Variants in KMT2A observed in about 807,000 individuals in gnomAD.
KMT2A encodes lysine methyltransferase 2A.
In KMT2A, 16 loss-of-function variants were observed where a neutral mutation model predicts 345.3. The ratio of observed to expected loss-of-function variants is 0.05; its 90% CI spans 0.03 to 0.07. The LOEUF is 0.07. Ranked by LOEUF, KMT2A falls within the 10% of genes least tolerant of loss-of-function variation. The pLI, the probability that KMT2A is intolerant of heterozygous loss-of-function variation, is 1.00. For synonymous variants in KMT2A, 1,599 were observed against 1,778.6 expected, an observed-to-expected ratio of 0.90 and a Z score of 2.54; for missense variants, 3,272 against 4,841.6, an observed-to-expected ratio of 0.68 and a Z score of 9.62.
At chr11:118,451,240 T>G (rs1949530702) in intron 1 of KMT2A, among the ~76,000 whole-genome samples, 1 of 151,270 alleles carries the variant, frequency 6.6e-6, no homozygotes, top group African/African-American at 2.4e-5. Context: ...GAGACAGGTT[T>G]TTGCTCTTCC....
intron 15 of KMT2A, among the ~76,000 whole-genome samples, chr11:118,492,390 C>G (rs1555042757): frequency 6.6e-6 from 1 of 152,202 alleles, no homozygotes; most frequent in Admixed American, 6.5e-5. Context: ...ATTAGAAGAA[C>G]CACACGGGGC....
In KMT2A at chr11:118,523,630, A is replaced by G. The variant is rs1212189816; in HGVS notation, c.*1458A>G. The G allele has an allele frequency of 8.7e-6, 2 of 228,698 alleles. No homozygotes were observed. Among genetic ancestry groups the G allele is most frequent in the Non-Finnish European group, 1.7e-5 (2 of 114,990 alleles). The allele number at this position is 228,698 out of a possible 1,614,324, so 14.2% of individuals were successfully genotyped here. A position where few individuals can be genotyped will look rare whatever the true frequency, so the allele number is the denominator to read the frequency against. ...TTCATAGGGAGAAGCACTTATGACA[A>G]GGCTATTTTTTAAACCGCGGTATTA... is the stretch of plus-strand genomic sequence containing the variant. On this transcript the variant is annotated 3_prime_UTR_variant, in exon 36 of 36. Coordinates refer to ENST00000534358, the MANE Select transcript of KMT2A (RefSeq NM_001197104.2).
rs1273350332 is a variant in KMT2A, at chr11:118,495,396, T to C, written c.5364-304T>C. Among the ~76,000 whole-genome samples the C allele has an allele frequency of 2.0e-5, 3 of 152,094 alleles. No homozygotes were observed. The highest frequency in any genetic ancestry group is 4.4e-5 in the Non-Finnish European group (3 of 68,012). ...TGGTCTTGATCTCTTGACCTGGTGA[T>C]CCGCCTGCCTCACCCTCCCAAAAGT... On this transcript the variant is annotated intron_variant, in intron 18 of 35. Transcript: ENST00000534358. The surrounding 1 kb of genome is among the most constrained non-coding windows in gnomAD (Gnocchi z 4.1).
intron 1 of KMT2A, among the ~76,000 whole-genome samples, chr11:118,442,466 T>C (rs1043578704): frequency 1.3e-5 from 2 of 152,198 alleles, no homozygotes; most frequent in African/African-American, 2.4e-5. Context: ...TTGGATCTTA[T>C]CTAGACTGGT....
chr11:118,439,158 C>CAAAAAAAAAAAAAAGAAAAA, intron 1 of KMT2A: 4 of 265,444 alleles, frequency 1.5e-5, no homozygotes, highest in Non-Finnish European at 3.0e-5. Context: ...GATACAGCAG[C>CAAAAAAAAAAAAAAGAAAAA]AAAAAAAAAA....
At chr11:118,500,473 A>G (rs1244668961) in intron 24 of KMT2A, among the ~76,000 whole-genome samples, 1 of 152,180 alleles carries the variant, frequency 6.6e-6, no homozygotes, top group Non-Finnish European at 1.5e-5. Flanking sequence ...TCCTATTCCT[A>G]TGACACAGTC....
chr11:118,463,913 G>C (rs1322524350), intron 1 of KMT2A, among the ~76,000 whole-genome samples: 1 of 152,158 alleles, frequency 6.6e-6, no homozygotes, highest in South Asian at 2.1e-4. Context: ...TTTGAAAAGA[G>C]CCCCTATCAG....
At chr11:118,451,498 G>A (rs1045856721) in intron 1 of KMT2A, among the ~76,000 whole-genome samples, 2 of 151,624 alleles carry the variant, frequency 1.3e-5, no homozygotes, top group Non-Finnish European at 2.9e-5. Flanking sequence ...AGTGATTCTC[G>A]TGCCTCAGCC....
intron 26 of KMT2A, 59 bp downstream of exon 26, chr11:118,501,916 A>G: frequency 7.2e-7 from 1 of 1,381,706 alleles, no homozygotes; most frequent in East Asian, 2.3e-5. Flanking sequence ...CTAATTTGTA[A>G]TTCTTTCAGG....
In KMT2A at chr11:118,474,298, G is replaced by T; in HGVS notation, c.3139G>T (p.Asp1047Tyr). ...GAAGAGTAAGAGTCTTAAACAAACC[G>T]ACCAGCCCAAAGCACAGGTACTCTT... ...IEKSKSLKQT[D>Y]QPKAQGQESD... The change falls in exon 3 of 36, where the codon GAC becomes TAC. Residue 1047 changes from aspartate (D) to tyrosine (Y), a missense_variant. Asp to Tyr is a radical substitution (Grantham distance 160, BLOSUM62 -3). This residue lies in a region of KMT2A where 29 missense variants were observed against 27.1 expected (regional missense o/e 1.07). Coordinates refer to ENST00000534358, the MANE Select transcript of KMT2A (RefSeq NM_001197104.2). 2 of 1,613,742 alleles carry T rather than the reference G, an allele frequency of 1.2e-6. No homozygotes were observed. The highest frequency in any genetic ancestry group is 1.1e-5 in the South Asian group (1 of 91,048).
chr11:118,437,949 G>A (rs1949230896), intron 1 of KMT2A, among the ~76,000 whole-genome samples: 1 of 152,090 alleles, frequency 6.6e-6, no homozygotes, highest in South Asian at 2.1e-4. Flanking sequence ...CCCAGGGGAA[G>A]CAGCTGCTCT....
chr11:118,491,381 A>G lies in KMT2A; in HGVS notation c.4819+63A>G. The G allele has an allele frequency of 1.3e-6, 2 of 1,508,024 alleles. No individual in the cohort carries two copies. The highest frequency in any genetic ancestry group is 1.4e-5 in the African/African-American group (1 of 71,270). The allele number at this position is 1,508,024 out of a possible 1,614,324, so 93.4% of individuals were successfully genotyped here. A position where few individuals can be genotyped will look rare whatever the true frequency, so the allele number is the denominator to read the frequency against. On this transcript the variant is annotated intron_variant, in intron 14 of 35. Coordinates refer to ENST00000534358, the MANE Select transcript of KMT2A (RefSeq NM_001197104.2). This position sits in a 1 kb window ranked among gnomAD's most constrained non-coding sequence, Gnocchi z 4.2. The stretch of plus-strand genomic sequence containing the variant: ...TACTACTACATTTATTAGCCTCTAG[A>G]GCACTTTAAACCTAAAATTATGGTT...
chr11:118,520,456 G>GCCTGACCAACATAGTGAA lies in KMT2A; in HGVS notation c.11430-345_11430-328dup, dbSNP rs1950934881. 1 of 337,050 alleles carries GCCTGACCAACATAGTGAA rather than the reference G, an allele frequency of 3.0e-6. No individual in the cohort carries two copies. The highest frequency in any genetic ancestry group is 4.2e-5 in the South Asian group (1 of 23,698). The allele number at this position is 337,050 out of a possible 1,614,324, so 20.9% of individuals were successfully genotyped here. On this transcript the variant is annotated intron_variant, in intron 33 of 35. Coordinates refer to ENST00000534358, the MANE Select transcript of KMT2A (RefSeq NM_001197104.2). This position sits in a 1 kb window ranked among gnomAD's most constrained non-coding sequence, Gnocchi z 4.3. ...TCATGAGGTCAGGAGTTCGAGACCA[G>GCCTGACCAACATAGTGAA]CCTGACCAACATAGTGAAACCCTAT...
In KMT2A at chr11:118,517,032, T is replaced by TA. The variant is rs1422888476; in HGVS notation, c.11147-2584dup. ...TATGTTTTTCAATGTCTTTTTTTTT[T>TA]AACCTAAGAATTCACAGCAATCTAG... On this transcript the variant is annotated intron_variant, in intron 31 of 35. Coordinates refer to ENST00000534358, the MANE Select transcript of KMT2A (RefSeq NM_001197104.2). Among the ~76,000 whole-genome samples the TA allele has an allele frequency of 8.5e-5, 13 of 152,218 alleles. No homozygotes were observed. In the East Asian group the frequency reaches 2.1e-3, roughly 25 times the overall value.
In KMT2A at chr11:118,521,261, C is replaced by A. The variant is rs1555053462; in HGVS notation, c.11514-27C>A. On this transcript the variant is annotated intron_variant, in intron 34 of 35. Coordinates refer to ENST00000534358, the MANE Select transcript of KMT2A (RefSeq NM_001197104.2). The surrounding 1 kb of genome is among the most constrained non-coding windows in gnomAD (Gnocchi z 5.3). ...TTAACCTTACTTGCAAAATTTGTGT[C>A]TGACCTCTTTTCCATCTTTGTCCTA... The A allele has an allele frequency of 1.2e-6, 2 of 1,611,060 alleles. No individual in the cohort carries two copies. Among genetic ancestry groups the A allele is most frequent in the Non-Finnish European group, 1.7e-6 (2 of 1,177,920 alleles).
chr11:118,501,074 A>G lies in KMT2A; in HGVS notation c.6246A>G (p.Val2082=), dbSNP rs1158890223. ...TAGTGGAGTGCCGTCCTCCAGTCGTAGAGCCGGATATCAACAGCACTGTTG... is the reference window on the plus strand; with the variant it reads ...TAGTGGAGTGCCGTCCTCCAGTCGTGGAGCCGGATATCAACAGCACTGTTG... ...CKIVECRPPV[V]EPDINSTVEH... is the part of the protein sequence containing the mutation. The change falls in exon 25 of 36, where the codon GTA becomes GTG. Residue 2082 remains valine, a synonymous_variant. Transcript: ENST00000534358. 1 of 1,614,050 alleles carries G rather than the reference A, an allele frequency of 6.2e-7. No homozygotes were observed. Among genetic ancestry groups the G allele is most frequent in the Non-Finnish European group, 8.5e-7 (1 of 1,180,012 alleles).
intron 1 of KMT2A, among the ~76,000 whole-genome samples, chr11:118,466,802 AAAAAC>A (rs549864796): frequency 1.6e-4 from 25 of 152,230 alleles, no homozygotes; most frequent in South Asian, 8.3e-4. Flanking sequence ...CTGCCTCAAA[AAAAAC>A]AAAACAAAAC....
intron 1 of KMT2A, among the ~76,000 whole-genome samples, chr11:118,453,167 TTTTC>T: frequency 6.6e-6 from 1 of 152,186 alleles, no homozygotes; most frequent in East Asian, 1.9e-4. Context: ...CTTTTCTCCC[TTTTC>T]ACAGCAAAAC....
Position 118,506,560 on chromosome 11 carries a change from G to C in KMT2A, c.10668G>C (p.Lys3556Asn). The C allele has an allele frequency of 1.9e-6, 3 of 1,614,202 alleles. No homozygotes were observed. The highest frequency in any genetic ancestry group is 2.5e-6 in the Non-Finnish European group (3 of 1,180,036). The part of the protein sequence containing the change: ...FQLPLDKGNG[K>N]KHKVSHLRTS... The stretch of plus-strand genomic sequence containing the variant: ...TGCCTCTAGACAAAGGGAATGGCAA[G>C]AAGCACAAAGTTTCCCATTTGCGGA... Residue 3556 changes from lysine (K) to asparagine (N), a missense_variant, in exon 27 of 36, where the codon AAG becomes AAC. This residue lies in a region of KMT2A where 748 missense variants were observed against 922.2 expected (regional missense o/e 0.81). Coordinates refer to ENST00000534358, the MANE Select transcript of KMT2A (RefSeq NM_001197104.2).
Sources: allele counts gnomAD v4.1 joint callset (sites outside exome capture counted in the v4.1 genomes callset), GRCh38; gene constraint gnomAD v4.1.1; regional missense constraint gnomAD v4.1.1; non-coding constraint Gnocchi (gnomAD v3.1); transcripts MANE v1.5; gene names NCBI Gene and HGNC (gene_info 2026-07-23, HGNC 2026-07-21).